MRPL48: variants seen among roughly 807,000 people sequenced by gnomAD.
The protein encoded by MRPL48 is mitochondrial ribosomal protein L48.
In MRPL48, 16 loss-of-function variants were observed where a neutral mutation model predicts 32.9. The ratio of observed to expected loss-of-function variants is 0.49; its 90% CI spans 0.33 to 0.74. The LOEUF (loss-of-function observed/expected upper bound fraction) is 0.74. Among genes scored for constraint, MRPL48 ranks in the 30% least tolerant of loss-of-function variants. MRPL48 has a pLI of 0.02. For missense variants in MRPL48, 206 were observed against 245.3 expected, an observed-to-expected ratio of 0.84 and a Z score of 1.07; for synonymous variants, 94 against 89.2, an observed-to-expected ratio of 1.05 and a Z score of -0.31.
chr11:73,823,840 G>GTA (rs1310655079), intron 3 of MRPL48, among the ~76,000 whole-genome samples: 1 of 149,048 alleles, frequency 6.7e-6, no homozygotes, highest in Non-Finnish European at 1.5e-5. Flanking sequence ...CTACCACAAT[G>GTA]TATATATATA....
At chr11:73,830,487 A>G (rs1947972917) in intron 4 of MRPL48, among the ~76,000 whole-genome samples, 1 of 152,150 alleles carries the variant, frequency 6.6e-6, no homozygotes, top group South Asian at 2.1e-4. Flanking sequence ...CTCTGTCCTG[A>G]GTTCCTGTCT....
intron 4 of MRPL48, chr11:73,832,827 C>T (rs1330931855): frequency 6.6e-6 from 1 of 152,108 alleles, no homozygotes; most frequent in Non-Finnish European, 1.5e-5. Flanking sequence ...TTTCTTGTAG[C>T]TCATTAAAAG....
At chr11:73,792,646 T>A (rs1363382057) in intron 1 of MRPL48, among the ~76,000 whole-genome samples, 5 of 152,202 alleles carry the variant, frequency 3.3e-5, no homozygotes, top group Non-Finnish European at 7.3e-5. Context: ...GGGCAGGAAG[T>A]CCAAAAGCTC....
intron 6 of MRPL48, 60 bp downstream of exon 6, chr11:73,860,069 C>T: frequency 7.3e-7 from 1 of 1,377,392 alleles, no homozygotes; most frequent in Non-Finnish European, 1.0e-6. Context: ...TCTCTGTCCA[C>T]TTTTTCACTT....
At chr11:73,792,614 A>G (rs1441121108) in intron 1 of MRPL48, among the ~76,000 whole-genome samples, 1 of 152,240 alleles carries the variant, frequency 6.6e-6, no homozygotes, top group Non-Finnish European at 1.5e-5. Flanking sequence ...CTAGTAGTAC[A>G]CACATTTTAG....
At chr11:73,819,666 T>G (rs1419308056) in intron 3 of MRPL48, among the ~76,000 whole-genome samples, 4 of 152,136 alleles carry the variant, frequency 2.6e-5, no homozygotes, top group Admixed American at 6.6e-5. Flanking sequence ...AAAACAATTG[T>G]CCAGCCTGGG....
chr11:73,788,440 C>T lies in MRPL48; in HGVS notation c.21+448C>T, dbSNP rs561188339. On this transcript the variant is annotated intron_variant, in intron 1 of 7. Coordinates refer to ENST00000310614, the MANE Select transcript of MRPL48 (RefSeq NM_016055.6). ...AAGCTACCTGGTAATAAGGAAACAGCAGTAATAAACTAGGTTTTTGTTCTT... is the reference window on the plus strand; with the variant it reads ...AAGCTACCTGGTAATAAGGAAACAGTAGTAATAAACTAGGTTTTTGTTCTT... 7.3e-5 allele frequency among the ~76,000 whole-genome samples: 11 copies of T among 150,608 alleles called. No homozygotes were observed. In the South Asian group the frequency reaches 2.3e-3, roughly 32 times the overall value.
At chr11:73,827,478 T>G (rs1183730054) in intron 4 of MRPL48, among the ~76,000 whole-genome samples, 1 of 152,200 alleles carries the variant, frequency 6.6e-6, no homozygotes, top group African/African-American at 2.4e-5. Flanking sequence ...ATTTAGCCCA[T>G]TTCTTTGGCT....
At chr11:73,796,139 G>A (rs1013381685) in intron 1 of MRPL48, among the ~76,000 whole-genome samples, 2 of 152,186 alleles carry the variant, frequency 1.3e-5, no homozygotes, top group Admixed American at 6.5e-5. Context: ...GAGTTGGGGC[G>A]GTGCCCAAGT....
chr11:73,793,865 T>G lies in MRPL48; in HGVS notation c.21+5873T>G, dbSNP rs1305378521. ...GGCGAAACCTTGTTTCGTGTTTTTT[T>G]TTTTTTTTTTTTCCCTTTTTCTGGA... On this transcript the variant is annotated intron_variant, in intron 1 of 7. Coordinates refer to ENST00000310614, the MANE Select transcript of MRPL48 (RefSeq NM_016055.6). 2.0e-5 allele frequency among the ~76,000 whole-genome samples: 3 copies of G among 151,378 alleles called. No homozygotes were observed. In the South Asian group the frequency reaches 6.3e-4, roughly 32 times the overall value.
Position 73,845,023 on chromosome 11 carries a change from GCT to G in MRPL48, c.371+50_371+51del, listed in dbSNP as rs1203549434. 7.8e-6 allele frequency: 12 copies of G among 1,544,460 alleles called. No homozygotes were observed. In the Admixed American group the frequency reaches 8.1e-5, roughly 10 times the overall value. On this transcript the variant is annotated intron_variant, in intron 5 of 7. Coordinates refer to ENST00000310614, the MANE Select transcript of MRPL48 (RefSeq NM_016055.6). ...GGGATGTTCTTGGTGTGGGTAGAAT[GCT>G]CTGTTTTTTTGTTAAACTAGGCTTT...
In MRPL48 at chr11:73,793,877, T is replaced by C. The variant is rs867343959; in HGVS notation, c.21+5885T>C. Among the ~76,000 whole-genome samples the C allele has an allele frequency of 1.7e-3, 246 of 146,378 alleles. No homozygotes were observed. In the Middle Eastern group the frequency reaches 0.032, roughly 19 times the overall value. On this transcript the variant is annotated intron_variant, in intron 1 of 7. Transcript: ENST00000310614. ...TTTCGTGTTTTTTTTTTTTTTTTTT[T>C]CCCTTTTTCTGGAGAACAGGGTCTC...
chr11:73,815,927 C>T (rs1226690222), intron 3 of MRPL48, among the ~76,000 whole-genome samples: 1 of 151,528 alleles, frequency 6.6e-6, no homozygotes, highest in Admixed American at 6.6e-5. Flanking sequence ...GGTCTCCCTA[C>T]GTTGCCCAGG....
intron 1 of MRPL48, among the ~76,000 whole-genome samples, chr11:73,794,861 C>T (rs1482444696): frequency 2.0e-5 from 3 of 148,912 alleles, no homozygotes; most frequent in South Asian, 2.1e-4. Context: ...TCTCCTGCCT[C>T]GACCTCCTGA....
At position 73,810,165 on chromosome 11, in the gene MRPL48, T is replaced by G. The variant is rs182759580; in HGVS notation, c.112+1815T>G. ...TTTGTTAACATTTTGTCATGTTAGC[T>G]TCTTAAAAATCAGACATCATGATAC... On this transcript the variant is annotated intron_variant, in intron 3 of 7. Transcript: ENST00000310614. Among the ~76,000 whole-genome samples, 98 of 152,350 alleles carry G rather than the reference T, an allele frequency of 6.4e-4. 1 individual carries two copies. Among genetic ancestry groups the G allele is most frequent in the African/African-American group, 2.3e-3 (95 of 41,582 alleles).
intron 3 of MRPL48, among the ~76,000 whole-genome samples, chr11:73,815,026 A>C (rs1278672204): frequency 6.6e-6 from 1 of 152,096 alleles, no homozygotes. Flanking sequence ...AAATAAAACA[A>C]AAAAGTGTTC....
chr11:73,794,811 C>G (rs1004615697), intron 1 of MRPL48, among the ~76,000 whole-genome samples: 6 of 146,992 alleles, frequency 4.1e-5, no homozygotes, highest in Non-Finnish European at 7.5e-5. Context: ...GTGGCATGAT[C>G]TCGGCTCACC....
At chr11:73,844,699 A>G in intron 4 of MRPL48, 108 bp from the exon 5 acceptor site, 2 of 1,324,014 alleles carry the variant, frequency 1.5e-6, no homozygotes, top group South Asian at 1.5e-5. Context: ...TGAGAGCAAA[A>G]TGTGAACAAA....
intron 5 of MRPL48, chr11:73,851,106 AT>A: frequency 2.1e-6 from 1 of 487,214 alleles, no homozygotes. Context: ...TTAGTGTTTA[AT>A]TTATATACTA....
Sources: gnomAD v4.1 joint callset for allele counts (sites outside exome capture counted in the v4.1 genomes callset) on GRCh38, gnomAD v4.1.1 for gene constraint, MANE v1.5 for transcripts, NCBI Gene and HGNC (gene_info 2026-07-23, HGNC 2026-07-21) for gene names.